Variants in MAJIN observed in about 807,000 individuals in gnomAD.
MAJIN encodes membrane-anchored junction protein.
Under a neutral mutation model 30.2 loss-of-function variants are expected in MAJIN, and 27 were observed. The observed-to-expected ratio is 0.89, with a 90% CI of 0.66 to 1.23. The LOEUF (loss-of-function observed/expected upper bound fraction) is 1.23, where lower values mean the gene tolerates loss of function less well. Ranked by LOEUF, MAJIN falls within the 50% of genes most tolerant of loss-of-function variation. MAJIN has a pLI of 0.00. For synonymous variants in MAJIN, 78 were observed against 91.6 expected (o/e 0.85, Z 0.85); for missense variants, 253 against 260.3 (o/e 0.97, Z 0.19).
chr11:64,950,498 C>T (rs905457718), intron 4 of MAJIN, 68 bp from the exon 5 acceptor site: 2 of 1,362,696 alleles, frequency 1.5e-6, no homozygotes, highest in Middle Eastern at 1.8e-4. Context: ...ATATTTGTCA[C>T]TGCTACTCAC....
In MAJIN at chr11:64,956,024, G is replaced by A. The variant is rs545004347; in HGVS notation, c.102-1222C>T. 5.9e-5 allele frequency among the ~76,000 whole-genome samples: 9 copies of A among 152,280 alleles called. No individual in the cohort carries two copies. The South Asian group carries it at 1.0e-3, about 18-fold the overall frequency. The stretch of plus-strand genomic sequence containing the variant: ...TCTACTAAAAATACAAAAAAGGCCC[G>A]GTGCGGTGGCTTACGCCTGTAATCC... On this transcript the variant is annotated intron_variant, in intron 3 of 10. Transcript: ENST00000301896.
intron 7 of MAJIN, 93 bp downstream of exon 7, chr11:64,947,695 G>A (rs1945472269): frequency 1.4e-6 from 2 of 1,392,056 alleles, no homozygotes. Flanking sequence ...AGCAACTGAG[G>A]GCAAAGTAAG....
chr11:64,948,602 C>CATATATACATATAT (rs1554970963), intron 6 of MAJIN, among the ~76,000 whole-genome samples: 1 of 19,420 alleles, frequency 5.1e-5, no homozygotes, highest in African/African-American at 2.3e-4. Flanking sequence ...CGGGCTACAT[C>CATATATACATATAT]ATATATATAT....
At chr11:64,955,063 C>T (rs1590700164) in intron 3 of MAJIN, among the ~76,000 whole-genome samples, 1 of 152,214 alleles carries the variant, frequency 6.6e-6, no homozygotes, top group African/African-American at 2.4e-5. Flanking sequence ...AACAGTTGTA[C>T]TTTAAGTGTG....
intron 5 of MAJIN, among the ~76,000 whole-genome samples, chr11:64,950,117 G>A (rs1417384433): frequency 1.3e-5 from 2 of 152,094 alleles, no homozygotes; most frequent in Non-Finnish European, 2.9e-5. Flanking sequence ...ATCACCTGAG[G>A]TCAGGAGTTC....
Position 64,938,384 on chromosome 11 carries a change from T to A in MAJIN, c.*191A>T. ...TATTATAAAGGGGCAAAGGACACGA[T>A]AAAACCACAGAGGACTCAGCATGGG... is the stretch of plus-strand genomic sequence containing the variant. On this transcript the variant is annotated 3_prime_UTR_variant, in exon 11 of 11. Transcript: ENST00000301896. 1 of 897,278 alleles carries A rather than the reference T, an allele frequency of 1.1e-6. No individual in the cohort carries two copies. The highest frequency in any genetic ancestry group is 1.7e-6 in the Non-Finnish European group (1 of 583,512). 55.6% of individuals were successfully genotyped at this position (897,278 alleles called of 1,614,324 possible). A position where few individuals can be genotyped will look rare whatever the true frequency, so the allele number is the denominator to read the frequency against.
intron 8 of MAJIN, among the ~76,000 whole-genome samples, chr11:64,944,144 A>G (rs752283103): frequency 3.3e-5 from 5 of 152,280 alleles, no homozygotes; most frequent in Non-Finnish European, 5.9e-5. Context: ...AGGAGACAGA[A>G]CAATCCTTTA....
intron 8 of MAJIN, among the ~76,000 whole-genome samples, chr11:64,943,087 G>A (rs60401184): frequency 0.046 from 6,951 of 152,236 alleles, 182 homozygotes; most frequent in Middle Eastern, 0.065. Context: ...CAGACTGAAG[G>A]TATCATCTGG....
chr11:64,963,130 AAAAC>A (rs1431691139), intron 1 of MAJIN, among the ~76,000 whole-genome samples: 4 of 152,178 alleles, frequency 2.6e-5, no homozygotes, highest in Admixed American at 1.3e-4. Context: ...CCATCTCAAA[AAAAC>A]AAACAAAAAA....
At position 64,938,542 on chromosome 11, in the gene MAJIN, TC is replaced by T. The variant is rs1218644490; in HGVS notation, c.*32del. On this transcript the variant is annotated 3_prime_UTR_variant, in exon 11 of 11. Transcript: ENST00000301896. ...TGGAAGGCTCAAGAGTGGCTGCTCT[TC>T]CTGAAGAAATATCGAAACGGGAAGA... The T allele has an allele frequency of 2.0e-6, 3 of 1,535,780 alleles. No individual in the cohort carries two copies. In the African/African-American group the frequency reaches 4.1e-5, roughly 21 times the overall value.
chr11:64,947,696 G>C, intron 7 of MAJIN, 92 bp downstream of exon 7: 1 of 1,396,188 alleles, frequency 7.2e-7, no homozygotes, highest in Admixed American at 1.7e-5. Context: ...GCAACTGAGG[G>C]CAAAGTAAGG....
chr11:64,942,511 C>T (rs774661192), intron 8 of MAJIN, among the ~76,000 whole-genome samples: 53 of 151,980 alleles, frequency 3.5e-4, no homozygotes, highest in Admixed American at 9.8e-4. Context: ...GCTCCCATGG[C>T]GAAGAGTTCT....
At position 64,955,964 on chromosome 11, in the gene MAJIN, C is replaced by T. The variant is rs186677712; in HGVS notation, c.102-1162G>A. On this transcript the variant is annotated intron_variant, in intron 3 of 10. Coordinates refer to ENST00000301896, the MANE Select transcript of MAJIN (RefSeq NM_001037225.3). ...GGTGGATCACCTGAGGTCAGGAGTT[C>T]GAGACCAGCCTGGCCAACGTGGTGA... Among the ~76,000 whole-genome samples, 696 of 152,114 alleles carry T rather than the reference C, an allele frequency of 4.6e-3. 4 individuals carry two copies. Among genetic ancestry groups the T allele is most frequent in the African/African-American group, 0.016 (665 of 41,492 alleles).
At position 64,954,793 on chromosome 11, in the gene MAJIN, C is replaced by T. The variant is rs1414452146; in HGVS notation, c.111G>A (p.Glu37=). The T allele has an allele frequency of 6.2e-7, 1 of 1,611,702 alleles. No individual in the cohort carries two copies. The change falls in exon 4 of 11, where the codon GAG becomes GAA. Residue 37 remains glutamate (E), a synonymous_variant. Transcript: ENST00000301896. ...GGGTGATGACTTCCTTATTTTCTATCTCTTCTCCTCTAGAAGGTAAACAGA... is the reference window on the plus strand; with the variant it reads ...GGGTGATGACTTCCTTATTTTCTATTTCTTCTCCTCTAGAAGGTAAACAGA... The part of the protein sequence containing the change: ...IRYGKSIRGE[E]IENKEVITQE...
At position 64,950,186 on chromosome 11, in the gene MAJIN, C is replaced by T. The variant is rs112333399; in HGVS notation, c.223+169G>A. ...CTCTACTAAAAATACCAAAATTAGC[C>T]GGGTGTGGTGGCATGTGCCTGTAAT... On this transcript the variant is annotated intron_variant, in intron 5 of 10. Transcript: ENST00000301896. Among the ~76,000 whole-genome samples, 230 of 152,044 alleles carry T rather than the reference C, an allele frequency of 1.5e-3. 2 individuals are homozygous for T. Among genetic ancestry groups the T allele is most frequent in the African/African-American group, 4.0e-3 (165 of 41,484 alleles).
rs761371537 is a variant in MAJIN at position 64,947,811 on chromosome 11, T to C, written c.358A>G (p.Ile120Val). The C allele has an allele frequency of 1.9e-6, 3 of 1,613,338 alleles. No individual in the cohort carries two copies. Among genetic ancestry groups the C allele is most frequent in the African/African-American group, 1.3e-5 (1 of 74,990 alleles). Reference sequence around the variant, plus strand: ...ACCAACCCAAGAGGACTGTCACTTATTGGTTTCCCTACAATAGGAAATTTG... The same window carrying C: ...ACCAACCCAAGAGGACTGTCACTTACTGGTTTCCCTACAATAGGAAATTTG... ...FHENLSPGKP[I>V]SDSPLGLVPV... Residue 120 changes from isoleucine to valine, a missense_variant, in exon 7 of 11, where the codon ATA becomes GTA. Ile to Val is a conservative substitution (Grantham distance 29, BLOSUM62 3). Transcript: ENST00000301896.
chr11:64,963,731 G>C (rs747177307), intron 1 of MAJIN, among the ~76,000 whole-genome samples: 1 of 152,094 alleles, frequency 6.6e-6, no homozygotes, highest in African/African-American at 2.4e-5. Flanking sequence ...CCAGCTACTT[G>C]GGAGACTGAG....
intron 3 of MAJIN, among the ~76,000 whole-genome samples, chr11:64,955,747 T>A (rs1945620273): frequency 1.3e-5 from 2 of 152,256 alleles, no homozygotes; most frequent in Admixed American, 1.3e-4. Flanking sequence ...CTTTTAAGAC[T>A]GTGGTGATAT....
rs148543749 is a variant in MAJIN, at chr11:64,959,352, T to C, written c.54A>G (p.Ala18=). 1.3e-3 allele frequency: 2,109 copies of C among 1,614,096 alleles called. 1 individual carries two copies. The highest frequency in any genetic ancestry group is 1.6e-3 in the Non-Finnish European group (1,882 of 1,179,950). Residue 18 remains alanine (A), a synonymous_variant, in exon 3 of 11, where the codon GCA becomes GCG. Coordinates refer to ENST00000301896, the MANE Select transcript of MAJIN (RefSeq NM_001037225.3). ...YPFPETRFLH[A]GPNVYKFKIR... is the part of the protein sequence containing the mutation. ...TTTTGAATTTATACACATTGGGTCC[T>C]GCATGAAGAAACCTCGTCTCTGGAA... is the stretch of plus-strand genomic sequence containing the variant.
Sources: allele counts gnomAD v4.1 joint callset (sites outside exome capture counted in the v4.1 genomes callset), GRCh38; gene constraint gnomAD v4.1.1; transcripts MANE v1.5; gene names NCBI Gene and HGNC (gene_info 2026-07-23, HGNC 2026-07-21).